Variants in CENPE observed in about 807,000 individuals in gnomAD.
The protein encoded by CENPE is centromere protein E, also known as centromere-associated protein E.
Under a neutral mutation model 336.1 loss-of-function variants are expected in CENPE, and 145 were observed. The observed-to-expected ratio is 0.43, with a 90% CI of 0.38 to 0.50. CENPE has a LOEUF of 0.50. Among genes scored for constraint, CENPE ranks in the 20% least tolerant of loss-of-function variants. The probability of loss-of-function intolerance (pLI) is 0.00; values close to 1 mark genes in which losing one functional copy is unlikely to be tolerated. For missense variants in CENPE, 2,719 were observed against 3,023.3 expected (o/e 0.90, Z 2.36); for synonymous variants, 1,013 against 984.8 (o/e 1.03, Z -0.54).
intron 9 of CENPE, among the ~76,000 whole-genome samples, chr4:103,183,689 G>A (rs915855411): frequency 6.6e-6 from 1 of 151,648 alleles, no homozygotes; most frequent in Non-Finnish European, 1.5e-5. Context: ...ATGCTCACAC[G>A]GTTCAAAAAG....
rs543007305 is a variant in CENPE at position 103,132,041 on chromosome 4, T to C, written c.6924+652A>G. Among the ~76,000 whole-genome samples, 12 of 152,308 alleles carry C rather than the reference T, an allele frequency of 7.9e-5. 1 individual carries two copies. In the South Asian group the frequency reaches 1.5e-3, roughly 18 times the overall value. On this transcript the variant is annotated intron_variant, in intron 42 of 48. Transcript: ENST00000265148. ...CTGTAATGATGGATACATGTCATTTTACAATTGTAACTCATAGAATGTACT... is the reference window on the plus strand; with the variant it reads ...CTGTAATGATGGATACATGTCATTTCACAATTGTAACTCATAGAATGTACT...
At chr4:103,120,062 A>G in intron 44 of CENPE, 86 bp downstream of exon 44, 1 of 936,402 alleles carries the variant, frequency 1.1e-6, no homozygotes, top group East Asian at 2.6e-5. Flanking sequence ...TGTGAGAGGG[A>G]AGAATAGAGC....
chr4:103,178,958 C>T (rs1756108576), intron 13 of CENPE, among the ~76,000 whole-genome samples: 1 of 152,092 alleles, frequency 6.6e-6, no homozygotes, highest in Non-Finnish European at 1.5e-5. Context: ...AATCTTCTAC[C>T]TCATATTCAC....
intron 16 of CENPE, among the ~76,000 whole-genome samples, chr4:103,173,759 T>C (rs1229524483): frequency 6.6e-6 from 1 of 151,826 alleles, no homozygotes; most frequent in African/African-American, 2.4e-5. Context: ...AAAGAAGACA[T>C]ACACATAATA....
At chr4:103,121,424 T>C (rs938762655) in intron 43 of CENPE, among the ~76,000 whole-genome samples, 26 of 152,206 alleles carry the variant, frequency 1.7e-4, no homozygotes, top group Non-Finnish European at 3.2e-4. Context: ...GTCTGGATTT[T>C]TGGGGGCCCA....
intron 27 of CENPE, 53 bp from the exon 28 acceptor site, chr4:103,149,052 C>T (rs1021691264): frequency 2.1e-5 from 34 of 1,591,762 alleles, no homozygotes; most frequent in Non-Finnish European, 2.6e-5. Context: ...CATTGCTCCC[C>T]TCTTTCCAAG....
At chr4:103,114,867 C>T (rs887875477) in intron 45 of CENPE, among the ~76,000 whole-genome samples, 5 of 152,036 alleles carry the variant, frequency 3.3e-5, no homozygotes, top group African/African-American at 1.2e-4. Flanking sequence ...TATTTTTTAC[C>T]ATGGGGTCCT....
intron 38 of CENPE, 26 bp downstream of exon 38, chr4:103,139,763 T>C: frequency 1.3e-6 from 2 of 1,549,768 alleles, no homozygotes; most frequent in Non-Finnish European, 1.7e-6. Context: ...TAATAGTTAC[T>C]ACACAAAGGA....
intron 16 of CENPE, among the ~76,000 whole-genome samples, chr4:103,168,419 T>A (rs1755108465): frequency 6.6e-6 from 1 of 152,110 alleles, no homozygotes. Context: ...CTGGCTTCCA[T>A]CACATAGCAG....
chr4:103,143,512 C>A, intron 33 of CENPE, 106 bp from the exon 34 acceptor site: 1 of 720,064 alleles, frequency 1.4e-6, no homozygotes, highest in Non-Finnish European at 2.4e-6. Context: ...CTTCTGAGGC[C>A]TCCTAGTTCT....
At chr4:103,142,482 A>G (rs1459490764) in intron 34 of CENPE, among the ~76,000 whole-genome samples, 3 of 152,124 alleles carry the variant, frequency 2.0e-5, no homozygotes, top group Admixed American at 6.6e-5. Flanking sequence ...TTTAGCTTCT[A>G]TTTCTCTAAG....
intron 12 of CENPE, among the ~76,000 whole-genome samples, chr4:103,180,899 T>C (rs906211903): frequency 6.6e-6 from 1 of 152,180 alleles, no homozygotes; most frequent in African/African-American, 2.4e-5. Flanking sequence ...GGGACCATGA[T>C]GGTTAAAACA....
intron 13 of CENPE, among the ~76,000 whole-genome samples, chr4:103,178,118 T>C (rs1436899174): frequency 6.6e-6 from 1 of 151,776 alleles, no homozygotes; most frequent in African/African-American, 2.4e-5. Context: ...TAATCATGTT[T>C]GAAATTTGAG....
rs751158171 is a variant in CENPE, at chr4:103,140,009, T to C, written c.5984A>G (p.Lys1995Arg). 1 of 1,612,472 alleles carries C rather than the reference T, an allele frequency of 6.2e-7. No homozygotes were observed. The highest frequency in any genetic ancestry group is 1.3e-5 in the African/African-American group (1 of 74,898). The stretch of plus-strand genomic sequence containing the variant: ...CTTCAACTGTTCCATTTCATTAATT[T>C]TTTTATGACTCATATTGACATCTTC... ...VKEDVNMSHKKINEMEQLKKQ... is the reference protein window; with the variant it reads ...VKEDVNMSHKRINEMEQLKKQ... The change falls in exon 38 of 49, where the codon AAA becomes AGA. Residue 1995 changes from lysine (K) to arginine (R), a missense_variant. Transcript: ENST00000265148.
At chr4:103,187,516 A>T (rs917537582) in intron 8 of CENPE, among the ~76,000 whole-genome samples, 1 of 152,098 alleles carries the variant, frequency 6.6e-6, no homozygotes, top group East Asian at 1.9e-4. Context: ...AGAAAAGAAT[A>T]TTCAACCCAG....
rs1578710936 is a variant in CENPE, at chr4:103,198,251, G to T, written c.56+13C>A. 3 of 1,549,630 alleles carry T rather than the reference G, an allele frequency of 1.9e-6. No individual in the cohort carries two copies. Among genetic ancestry groups the T allele is most frequent in the Non-Finnish European group, 8.7e-7 (1 of 1,146,604 alleles). On this transcript the variant is annotated intron_variant, in intron 1 of 48. Transcript: ENST00000265148. ...GGCCCAGCGGGCACCGGGCCGTGGTGTGGCCCCCCTACCTGCTGTTCAGCG... is the reference window on the plus strand; with the variant it reads ...GGCCCAGCGGGCACCGGGCCGTGGTTTGGCCCCCCTACCTGCTGTTCAGCG...
Position 103,149,215 on chromosome 4 carries a change from G to T in CENPE, c.3590C>A (p.Ser1197Tyr), listed in dbSNP as rs770112551. Residue 1197 changes from serine (S) to tyrosine (Y), a missense_variant, in exon 27 of 49, where the codon TCT becomes TAT. By Grantham distance (144) the Ser-to-Tyr change is moderately radical. This residue lies in a region of CENPE where 2,437 missense variants were observed against 2,513.3 expected (regional missense o/e 0.97). Transcript: ENST00000265148. Reference protein sequence around the residue: ...KLNENYEEVKSITKERKVLKE... With the variant: ...KLNENYEEVKYITKERKVLKE... ...TAGAACTTTTCTTTCTTTGGTTATA[G>T]ATTTCACTTCCTCATAATTTTCATT... is the stretch of plus-strand genomic sequence containing the variant. 1 of 1,612,468 alleles carries T rather than the reference G, an allele frequency of 6.2e-7. No homozygotes were observed. The highest frequency in any genetic ancestry group is 1.1e-5 in the South Asian group (1 of 90,968).
chr4:103,167,129 T>C (rs1754991766), intron 16 of CENPE, among the ~76,000 whole-genome samples: 1 of 152,232 alleles, frequency 6.6e-6, no homozygotes. Flanking sequence ...GCTATTCTAA[T>C]GTTTTAATTA....
At chr4:103,136,663 C>T (rs1752094970) in intron 39 of CENPE, among the ~76,000 whole-genome samples, 1 of 152,144 alleles carries the variant, frequency 6.6e-6, no homozygotes, top group Non-Finnish European at 1.5e-5. Flanking sequence ...TATGAATCAA[C>T]ATTGACAAAG....
Sources: allele counts gnomAD v4.1 joint callset (sites outside exome capture counted in the v4.1 genomes callset), GRCh38; gene constraint gnomAD v4.1.1; regional missense constraint gnomAD v4.1.1; transcripts MANE v1.5; gene names NCBI Gene and HGNC (gene_info 2026-07-23, HGNC 2026-07-21).